Variants in GARIN1B observed in about 807,000 individuals in gnomAD.
The protein encoded by GARIN1B is golgi associated RAB2 interactor 1B.
At chr7:128,715,725 T>G in the GARIN1B span, 1 of 1,553,288 alleles carries the variant, frequency 6.4e-7, no homozygotes, top group East Asian at 2.2e-5. Context: ...CACTCTTTGA[T>G]TCTTCGAAAC....
At chr7:128,709,819 T>G in the GARIN1B span, among the ~76,000 whole-genome samples, 1 of 148,280 alleles carries the variant, frequency 6.7e-6, no homozygotes, top group Non-Finnish European at 1.5e-5. Context: ...TGGCGTGATC[T>G]CAGCTCACTG....
chr7:128,723,530 T>C, the GARIN1B span: 1 of 358,198 alleles, frequency 2.8e-6, no homozygotes. Context: ...CTGGCCTCGA[T>C]ATACTGCCAC....
At chr7:128,712,918 A>G in the GARIN1B span, among the ~76,000 whole-genome samples, 1 of 152,330 alleles carries the variant, frequency 6.6e-6, no homozygotes. Flanking sequence ...GAAGGTAGTC[A>G]CATGGTCTTA....
At chr7:128,710,480 C>T in the GARIN1B span, among the ~76,000 whole-genome samples, 1 of 152,062 alleles carries the variant, frequency 6.6e-6, no homozygotes, top group African/African-American at 2.4e-5. Flanking sequence ...TAACTATTTT[C>T]TATATCTCTC....
the GARIN1B span, among the ~76,000 whole-genome samples, chr7:128,711,321 A>G: frequency 1.3e-5 from 2 of 152,164 alleles, no homozygotes; most frequent in African/African-American, 2.4e-5. Flanking sequence ...GAATCAAGCT[A>G]AACATCACCC....
the GARIN1B span, chr7:128,716,960 A>G: frequency 4.3e-6 from 7 of 1,613,740 alleles, no homozygotes; most frequent in Non-Finnish European, 5.1e-6. Flanking sequence ...CCAGACATGG[A>G]ACAGACCATC....
chr7:128,710,504 C>G, the GARIN1B span, among the ~76,000 whole-genome samples: 3 of 152,182 alleles, frequency 2.0e-5, no homozygotes, highest in Non-Finnish European at 4.4e-5. Flanking sequence ...TCTCCCCAGT[C>G]AGTTCATCTC....
chr7:128,715,855 T>C, the GARIN1B span, among the ~76,000 whole-genome samples: 16,942 of 152,172 alleles, frequency 0.11, 1,270 homozygotes, highest in East Asian at 0.26. Flanking sequence ...TGGGCTTTGC[T>C]GAGCCCCAGA....
chr7:128,723,421 G>C, the GARIN1B span: 1 of 1,414,624 alleles, frequency 7.1e-7, no homozygotes, highest in Non-Finnish European at 9.6e-7. Flanking sequence ...ATGAGCGCAG[G>C]GTTTTACGTG....
At chr7:128,722,607 C>A in the GARIN1B span, among the ~76,000 whole-genome samples, 6 of 152,092 alleles carry the variant, frequency 3.9e-5, no homozygotes, top group Non-Finnish European at 7.4e-5. Context: ...AGATCGAGAC[C>A]AGCCTGGCCA....
the GARIN1B span, among the ~76,000 whole-genome samples, chr7:128,727,932 TA>T: frequency 6.6e-6 from 1 of 152,198 alleles, no homozygotes; most frequent in Non-Finnish European, 1.5e-5. Flanking sequence ...GCTTCTCAAT[TA>T]TCCACAGCAT....
At chr7:128,710,835 T>C in the GARIN1B span, among the ~76,000 whole-genome samples, 1 of 152,018 alleles carries the variant, frequency 6.6e-6, no homozygotes, top group Non-Finnish European at 1.5e-5. Context: ...GTATTTTTAG[T>C]AGAGAAGAGA....
the GARIN1B span, chr7:128,715,193 T>C: frequency 1.0e-6 from 1 of 954,730 alleles, no homozygotes; most frequent in African/African-American, 1.8e-5. Flanking sequence ...CCGGGAGGAC[T>C]ATGTCCTGGG....
At chr7:128,728,733 A>G in the GARIN1B span, among the ~76,000 whole-genome samples, 20 of 152,358 alleles carry the variant, frequency 1.3e-4, no homozygotes, top group East Asian at 3.7e-3. Flanking sequence ...ATTCAAGCAT[A>G]GTATTGGCTA....
chr7:128,716,831 T>C, the GARIN1B span: 1 of 1,611,518 alleles, frequency 6.2e-7, no homozygotes, highest in South Asian at 1.1e-5. Context: ...GGGCAGGAAT[T>C]GGAGAGACGT....
At chr7:128,710,486 C>T in the GARIN1B span, among the ~76,000 whole-genome samples, 5 of 151,998 alleles carry the variant, frequency 3.3e-5, no homozygotes, top group African/African-American at 1.2e-4. Flanking sequence ...TTTTCTATAT[C>T]TCTCATTTCT....
chr7:128,729,887 C>A, the GARIN1B span: 1 of 1,610,436 alleles, frequency 6.2e-7, no homozygotes, highest in Non-Finnish European at 8.5e-7. Context: ...AAATGCATTT[C>A]TTTACTTGAT....
the GARIN1B span, chr7:128,714,053 AC>A: frequency 6.5e-7 from 1 of 1,535,634 alleles, no homozygotes; most frequent in Admixed American, 2.0e-5. Context: ...AAGTTGGTTT[AC>A]TGAGCCAGGA....
At chr7:128,710,151 G>T in the GARIN1B span, among the ~76,000 whole-genome samples, 638 of 152,264 alleles carry the variant, frequency 4.2e-3, 3 homozygotes, top group Middle Eastern at 6.8e-3. Context: ...CTGGCCTCAA[G>T]TGATCTGCCC....
Sources: gnomAD v4.1 joint callset for allele counts (sites outside exome capture counted in the v4.1 genomes callset) on GRCh38, gnomAD v4.1.1 for gene constraint, MANE v1.5 for transcripts, NCBI Gene and HGNC (gene_info 2026-07-23, HGNC 2026-07-21) for gene names.